The following CNTNAP2 variants were observed in gnomAD, a reference collection of about 807,000 sequenced individuals.
CNTNAP2 encodes contactin associated protein 2.
In CNTNAP2, 98 loss-of-function variants were observed where a neutral mutation model predicts 155.2. The ratio of observed to expected loss-of-function variants is 0.63; its 90% CI spans 0.54 to 0.75. The LOEUF is 0.75. CNTNAP2 is among the 30% of genes least tolerant of loss of function. The probability of loss-of-function intolerance (pLI) is 0.00; values close to 1 mark genes in which losing one functional copy is unlikely to be tolerated. For synonymous variants in CNTNAP2, 651 were observed against 631.2 expected (o/e 1.03, Z -0.47); for missense variants, 1,727 against 1,688.1 (o/e 1.02, Z -0.40).
chr7:146,806,124 TC>T (rs1189755339), intron 2 of CNTNAP2, among the ~76,000 whole-genome samples: 1 of 152,172 alleles, frequency 6.6e-6, no homozygotes, highest in Non-Finnish European at 1.5e-5. Flanking sequence ...TAATTATGTA[TC>T]CCACAATAGT....
At chr7:146,380,163 C>G (rs1309509965) in intron 1 of CNTNAP2, among the ~76,000 whole-genome samples, 3 of 152,146 alleles carry the variant, frequency 2.0e-5, no homozygotes, top group African/African-American at 7.2e-5. Context: ...CAATCAGTCT[C>G]ATAATGATTT....
intron 1 of CNTNAP2, among the ~76,000 whole-genome samples, chr7:146,342,680 G>C (rs756731585): frequency 1.3e-5 from 2 of 152,130 alleles, no homozygotes; most frequent in African/African-American, 2.4e-5. Context: ...TAATAAAGAC[G>C]TGTAGGATTT....
chr7:147,933,996 G>GT, intron 14 of CNTNAP2, among the ~76,000 whole-genome samples: 1 of 152,292 alleles, frequency 6.6e-6, no homozygotes, highest in East Asian at 1.9e-4. Context: ...TTTATGTGAG[G>GT]TATCAACAAT....
intron 13 of CNTNAP2, among the ~76,000 whole-genome samples, chr7:147,838,498 C>T (rs192114174): frequency 6.6e-6 from 1 of 152,128 alleles, no homozygotes; most frequent in African/African-American, 2.4e-5. Context: ...CCCAAGTCAC[C>T]TCTTCAATGT....
At chr7:146,459,760 C>G (rs549765938) in intron 1 of CNTNAP2, among the ~76,000 whole-genome samples, 1 of 152,068 alleles carries the variant, frequency 6.6e-6, no homozygotes, top group Non-Finnish European at 1.5e-5. Flanking sequence ...TGCTTGAGGT[C>G]AGGAGTTCAA....
At chr7:148,180,476 T>C (rs1795017787) in intron 18 of CNTNAP2, among the ~76,000 whole-genome samples, 1 of 151,918 alleles carries the variant, frequency 6.6e-6, no homozygotes, top group Non-Finnish European at 1.5e-5. Context: ...AGCAGGTCTA[T>C]GCAAGCCTAC....
chr7:146,933,829 C>A (rs1048676799), intron 3 of CNTNAP2, among the ~76,000 whole-genome samples: 1 of 152,026 alleles, frequency 6.6e-6, no homozygotes, highest in Non-Finnish European at 1.5e-5. Flanking sequence ...AGCCAAAAAG[C>A]ACATGAAAAA....
Position 147,446,543 on chromosome 7 carries a change from A to C in CNTNAP2, c.1671-39392A>C, listed in dbSNP as rs570930750. Among the ~76,000 whole-genome samples, 3 of 152,266 alleles carry C rather than the reference A, an allele frequency of 2.0e-5. No individual in the cohort carries two copies. In the South Asian group the frequency reaches 6.2e-4, roughly 32 times the overall value. On this transcript the variant is annotated intron_variant, in intron 10 of 23. Coordinates refer to ENST00000361727, the MANE Select transcript of CNTNAP2 (RefSeq NM_014141.6). ...AGTTGAAGACCTGAGACCCATATCC[A>C]AGTTTTCCACTGTTTACAACCACGA...
intron 10 of CNTNAP2, among the ~76,000 whole-genome samples, chr7:147,474,743 A>G (rs1336817553): frequency 6.6e-6 from 1 of 152,120 alleles, no homozygotes; most frequent in South Asian, 2.1e-4. Context: ...AACCAGGAAA[A>G]TGCATAACCT....
chr7:147,398,902 T>G (rs1282708757), intron 10 of CNTNAP2, among the ~76,000 whole-genome samples: 1 of 151,368 alleles, frequency 6.6e-6, no homozygotes, highest in Non-Finnish European at 1.5e-5. Context: ...AGGAATAAAT[T>G]TTATGGGTAA....
In CNTNAP2 at chr7:148,077,293, C is replaced by T. The variant is rs144990106; in HGVS notation, c.2384-40825C>T. Among the ~76,000 whole-genome samples, 1,316 of 147,202 alleles carry T rather than the reference C, an allele frequency of 8.9e-3. 14 individuals are homozygous for T. The highest frequency in any genetic ancestry group is 0.024 in the Middle Eastern group (7 of 290). ...TTGCACTCCAGCCTGGGCAACACAG[C>T]AAGACTTCATCTCAAAAAAAAAAAA... On this transcript the variant is annotated intron_variant, in intron 15 of 23. Transcript: ENST00000361727.
intron 8 of CNTNAP2, among the ~76,000 whole-genome samples, chr7:147,157,247 A>G (rs912251395): frequency 3.3e-5 from 5 of 152,186 alleles, no homozygotes; most frequent in East Asian, 1.9e-4. Context: ...ATTTCTTTCT[A>G]TGGTGATAAT....
chr7:146,444,847 A>T (rs1468443733), intron 1 of CNTNAP2, among the ~76,000 whole-genome samples: 1 of 151,236 alleles, frequency 6.6e-6, no homozygotes, highest in Non-Finnish European at 1.5e-5. Context: ...TAGTGGAGAC[A>T]GCTTTCACCA....
chr7:146,958,614 C>T (rs572061644), intron 3 of CNTNAP2, among the ~76,000 whole-genome samples: 1 of 151,952 alleles, frequency 6.6e-6, no homozygotes, highest in Non-Finnish European at 1.5e-5. Context: ...GGGGTTTCAC[C>T]ATGTTAGCCA....
At chr7:146,967,981 C>T (rs1364175188) in intron 3 of CNTNAP2, among the ~76,000 whole-genome samples, 27 of 143,116 alleles carry the variant, frequency 1.9e-4, no homozygotes, top group African/African-American at 6.6e-4. Flanking sequence ...TGAAATACGT[C>T]CCATCAATAC....
intron 13 of CNTNAP2, among the ~76,000 whole-genome samples, chr7:147,723,094 T>C (rs994627364): frequency 1.3e-5 from 2 of 152,016 alleles, no homozygotes; most frequent in Non-Finnish European, 2.9e-5. Context: ...TCTCAAACTT[T>C]CCACAGTCAG....
At chr7:148,296,639 T>C (rs1475917938) in intron 21 of CNTNAP2, among the ~76,000 whole-genome samples, 1 of 151,550 alleles carries the variant, frequency 6.6e-6, no homozygotes, top group Non-Finnish European at 1.5e-5. Context: ...AGCAGGTATT[T>C]GTTTCATAGA....
chr7:147,926,786 G>C (rs1800405939), intron 14 of CNTNAP2, among the ~76,000 whole-genome samples: 1 of 152,062 alleles, frequency 6.6e-6, no homozygotes, highest in Admixed American at 6.6e-5. Flanking sequence ...AAAACAAAGA[G>C]CGTTTTTAAA....
chr7:146,174,863 A>G (rs919648431), intron 1 of CNTNAP2, among the ~76,000 whole-genome samples: 5 of 152,052 alleles, frequency 3.3e-5, no homozygotes, highest in African/African-American at 1.2e-4. Flanking sequence ...CAAAAACTAT[A>G]AAGAAAGCAC....
Sources: gnomAD v4.1 joint callset for allele counts (sites outside exome capture counted in the v4.1 genomes callset) on GRCh38, gnomAD v4.1.1 for gene constraint, MANE v1.5 for transcripts, NCBI Gene and HGNC (gene_info 2026-07-23, HGNC 2026-07-21) for gene names.